SI: variants seen among roughly 807,000 people sequenced by gnomAD.
The protein encoded by SI is sucrase-isomaltase, intestinal.
A neutral mutation model predicts 253.3 loss-of-function variants in SI; 235 were observed. The ratio of observed to expected loss-of-function variants is 0.93; its 90% CI spans 0.83 to 1.03. SI has a LOEUF of 1.03. SI is among the 50% of genes least tolerant of loss of function. The pLI is 0.00. For missense variants in SI, 2,442 were observed against 2,211.1 expected (o/e 1.10, Z -2.09); for synonymous variants, 819 against 712.0 (o/e 1.15, Z -2.39).
chr3:165,019,581 T>C, intron 28 of SI, 21 bp downstream of exon 28: 1 of 1,609,268 alleles, frequency 6.2e-7, no homozygotes, highest in East Asian at 2.2e-5. Flanking sequence ...CCTCGTGGAG[T>C]GGTCATATGT....
At chr3:165,074,713 A>T in intron 2 of SI, 46 bp from the exon 3 acceptor site, 1 of 1,477,304 alleles carries the variant, frequency 6.8e-7, no homozygotes, top group East Asian at 2.3e-5. Flanking sequence ...ACATTAAATT[A>T]ATTTTCTCAG....
intron 45 of SI, among the ~76,000 whole-genome samples, chr3:164,983,307 A>G (rs911116264): frequency 2.6e-5 from 4 of 152,190 alleles, no homozygotes; most frequent in Non-Finnish European, 5.9e-5. Flanking sequence ...ATGATAAAAC[A>G]GTAACAGGTT....
intron 4 of SI, 58 bp from the exon 5 acceptor site, chr3:165,068,889 T>C: frequency 1.7e-6 from 2 of 1,153,608 alleles, no homozygotes; most frequent in Non-Finnish European, 2.6e-6. Context: ...TAACAATTAT[T>C]AAATATATTT....
chr3:165,041,128 G>T (rs756165888), intron 17 of SI, 34 bp from the exon 18 acceptor site: 6 of 1,596,830 alleles, frequency 3.8e-6, no homozygotes, highest in Admixed American at 1.7e-5. Flanking sequence ...AAATAAGAAA[G>T]CTAAAGTATG....
At chr3:164,988,906 T>C (rs1384502745) in intron 44 of SI, among the ~76,000 whole-genome samples, 1 of 151,976 alleles carries the variant, frequency 6.6e-6, no homozygotes, top group Non-Finnish European at 1.5e-5. Context: ...GAGAAGGGCC[T>C]GGCCAGACAA....
chr3:164,993,939 C>A (rs1163215793), intron 41 of SI, among the ~76,000 whole-genome samples: 1 of 151,464 alleles, frequency 6.6e-6, no homozygotes, highest in African/African-American at 2.4e-5. Flanking sequence ...TACTTATCTC[C>A]CTGGAAATGT....
rs1410154216 is a variant in SI at position 164,979,065 on chromosome 3, T to G, written c.*297A>C. ...TTTAATTTAAAAATCACGTTTAAAT[T>G]ATATCTTAGCTATTTACATACATGT... On this transcript the variant is annotated 3_prime_UTR_variant, in exon 48 of 48. Transcript: ENST00000264382. 4.6e-6 allele frequency: 1 copy of G among 217,392 alleles called. No individual in the cohort carries two copies. Among genetic ancestry groups the G allele is most frequent in the Non-Finnish European group, 9.1e-6 (1 of 110,070 alleles). The allele number at this position is 217,392 out of a possible 1,614,324, so 13.5% of individuals were successfully genotyped here.
chr3:165,034,613 A>G (rs1712429003), intron 22 of SI, among the ~76,000 whole-genome samples: 1 of 152,016 alleles, frequency 6.6e-6, no homozygotes, highest in Non-Finnish European at 1.5e-5. Context: ...AGGGTATTTA[A>G]GAAAGAGCAA....
chr3:165,021,453 T>A, intron 26 of SI, 70 bp from the exon 27 acceptor site: 3 of 1,169,282 alleles, frequency 2.6e-6, no homozygotes, highest in South Asian at 2.5e-5. Context: ...ATGAACTAAG[T>A]TAAATAATGG....
intron 45 of SI, 133 bp from the exon 46 acceptor site, chr3:164,983,184 T>A: frequency 1.2e-6 from 1 of 847,364 alleles, no homozygotes; most frequent in Non-Finnish European, 1.7e-6. Flanking sequence ...ATTTTTTCTC[T>A]AAGCCTATTT....
chr3:164,982,967 C>T, intron 46 of SI, 35 bp downstream of exon 46: 1 of 1,541,292 alleles, frequency 6.5e-7, no homozygotes, highest in East Asian at 2.3e-5. Context: ...TTCAAATATT[C>T]CTTAACAGAA....
At chr3:165,060,857 T>C (rs1713950978) in intron 9 of SI, among the ~76,000 whole-genome samples, 1 of 145,734 alleles carries the variant, frequency 6.9e-6, no homozygotes, top group South Asian at 2.1e-4. Flanking sequence ...CTGGTATATA[T>C]ATTAAAAAAA....
In SI at chr3:165,030,877, CAAAA is replaced by C; in HGVS notation, c.2737-14_2737-11del. The C allele has an allele frequency of 1.6e-5, 19 of 1,213,672 alleles. No homozygotes were observed. The highest frequency in any genetic ancestry group is 3.9e-5 in the Admixed American group (1 of 25,428). The allele number at this position is 1,213,672 out of a possible 1,614,324, so 75.2% of individuals were successfully genotyped here. ...CTGCAATTAGGAGAACCTTTGAAGA[CAAAA>C]AAAAAAAAAGAAAAAAAGAAAAAAA... On this transcript the variant is annotated splice_polypyrimidine_tract_variant and intron_variant, in intron 24 of 47. Transcript: ENST00000264382.
intron 44 of SI, among the ~76,000 whole-genome samples, chr3:164,988,560 T>C (rs1559977568): frequency 6.6e-6 from 1 of 152,180 alleles, no homozygotes; most frequent in Admixed American, 6.5e-5. Context: ...ATGTCTCTCC[T>C]CTTTAACTGA....
chr3:164,992,263 T>C (rs567157466), intron 42 of SI, 30 bp from the exon 43 acceptor site: 1 of 1,611,896 alleles, frequency 6.2e-7, no homozygotes, highest in African/African-American at 1.3e-5. Context: ...CCATTAGTTG[T>C]ATATAAACCA....
the SI span, among the ~76,000 whole-genome samples, chr3:165,084,260 A>AT: frequency 5.3e-5 from 8 of 152,046 alleles, no homozygotes; most frequent in Admixed American, 5.3e-4. Context: ...TTGATCTTGG[A>AT]TTTCTCAACA....
At chr3:164,998,408 T>C in intron 38 of SI, 132 bp downstream of exon 38, 1 of 886,956 alleles carries the variant, frequency 1.1e-6, no homozygotes, top group Non-Finnish European at 1.9e-6. Context: ...CTTTTTCTGA[T>C]GCTATATGAC....
intron 37 of SI, among the ~76,000 whole-genome samples, chr3:165,003,566 A>G (rs938043477): frequency 1.3e-5 from 2 of 152,026 alleles, no homozygotes; most frequent in African/African-American, 4.8e-5. Flanking sequence ...TAATTGATAG[A>G]AATAAGATAA....
intron 19 of SI, among the ~76,000 whole-genome samples, chr3:165,039,614 T>C (rs1192581161): frequency 6.6e-6 from 1 of 152,092 alleles, no homozygotes; most frequent in African/African-American, 2.4e-5. Flanking sequence ...TATGAATTGA[T>C]TTTGATTTGA....
Sources: gnomAD v4.1 joint callset for allele counts (sites outside exome capture counted in the v4.1 genomes callset) on GRCh38, gnomAD v4.1.1 for gene constraint, MANE v1.5 for transcripts, NCBI Gene and HGNC (gene_info 2026-07-23, HGNC 2026-07-21) for gene names.